MASP1: variants seen among roughly 807,000 people sequenced by gnomAD.
The protein encoded by MASP1 is mannan-binding lectin serine protease 1.
A neutral mutation model predicts 77.1 loss-of-function variants in MASP1; 59 were observed. That is an observed-to-expected ratio of 0.77 (90% CI 0.62 to 0.95). The LOEUF (loss-of-function observed/expected upper bound fraction) is 0.95. Among genes scored for constraint, MASP1 ranks in the 40% least tolerant of loss-of-function variants. The probability of loss-of-function intolerance (pLI) is 0.00; values close to 1 mark genes in which losing one functional copy is unlikely to be tolerated. For missense variants in MASP1, 885 were observed against 912.9 expected (o/e 0.97, Z 0.39); for synonymous variants, 362 against 354.5 (o/e 1.02, Z -0.24).
intron 2 of MASP1, among the ~76,000 whole-genome samples, chr3:187,269,064 CAAA>C (rs35550567): frequency 2.7e-4 from 31 of 115,390 alleles, no homozygotes; most frequent in Admixed American, 8.2e-4. Flanking sequence ...GACACTGTCT[CAAA>C]AAAAAAAAAA....
intron 13 of MASP1, among the ~76,000 whole-genome samples, chr3:187,223,898 C>T (rs1712219413): frequency 6.6e-6 from 1 of 152,146 alleles, no homozygotes; most frequent in African/African-American, 2.4e-5. Flanking sequence ...GTCACCTCAC[C>T]CTGCTGATCC....
At chr3:187,248,146 G>A (rs1365328840) in intron 8 of MASP1, among the ~76,000 whole-genome samples, 1 of 152,128 alleles carries the variant, frequency 6.6e-6, no homozygotes, top group Non-Finnish European at 1.5e-5. Flanking sequence ...TCTTAATCCA[G>A]CCTATTTTGG....
intron 7 of MASP1, among the ~76,000 whole-genome samples, chr3:187,251,049 C>T (rs1337912282): frequency 6.6e-6 from 1 of 152,170 alleles, no homozygotes. Context: ...ACCTCTGCCT[C>T]CTGGATTCAA....
chr3:187,226,209 T>A (rs554792012), intron 12 of MASP1: 2 of 608,130 alleles, frequency 3.3e-6, no homozygotes, highest in Admixed American at 4.9e-5. Context: ...AGCATAGACT[T>A]CAATGCCTTC....
At chr3:187,242,806 C>A (rs960145573) in intron 9 of MASP1, 1 of 159,420 alleles carries the variant, frequency 6.3e-6, no homozygotes, top group Non-Finnish European at 1.4e-5. Context: ...CTGCCCAGCC[C>A]CTGGGGCAGC....
chr3:187,234,884 A>T lies in MASP1; in HGVS notation c.*800T>A. 7.8e-7 allele frequency: 1 copy of T among 1,287,182 alleles called. No individual in the cohort carries two copies. The highest frequency in any genetic ancestry group is 1.0e-6 in the Non-Finnish European group (1 of 988,664). 79.7% of individuals were successfully genotyped at this position (1,287,182 alleles called of 1,614,324 possible). ...TGCTTGTCTGGAGCAGCAGGTGTGGACGCCCATGGTGTCAGCTGGTGTTCC... is the reference window on the plus strand; with the variant it reads ...TGCTTGTCTGGAGCAGCAGGTGTGGTCGCCCATGGTGTCAGCTGGTGTTCC... On this transcript the variant is annotated 3_prime_UTR_variant, in exon 11 of 11. Transcript: ENST00000296280.
chr3:187,259,203 G>A (rs4686864), intron 4 of MASP1, among the ~76,000 whole-genome samples: 39,690 of 152,004 alleles, frequency 0.26, 6,052 homozygotes, highest in Admixed American at 0.38. Flanking sequence ...ATGTTTCTAC[G>A]CCCTTGTTCA....
intron 2 of MASP1, among the ~76,000 whole-genome samples, chr3:187,267,340 G>T (rs1716123457): frequency 6.6e-6 from 1 of 152,206 alleles, no homozygotes; most frequent in African/African-American, 2.4e-5. Context: ...CCCTTGAGGA[G>T]CATTGCAGAC....
At chr3:187,255,171 AC>A (rs1227878232) in intron 5 of MASP1, among the ~76,000 whole-genome samples, 4 of 152,190 alleles carry the variant, frequency 2.6e-5, no homozygotes, top group African/African-American at 9.6e-5. Context: ...CCCATTCAAC[AC>A]AGTTTCCTCC....
chr3:187,227,637 T>C (rs1436628888), intron 11 of MASP1, among the ~76,000 whole-genome samples: 2 of 152,188 alleles, frequency 1.3e-5, no homozygotes, highest in Admixed American at 1.3e-4. Context: ...AGCTATGTGC[T>C]CCTGGGTCCT....
chr3:187,234,382 A>C lies in MASP1; in HGVS notation c.*1302T>G. On this transcript the variant is annotated 3_prime_UTR_variant, in exon 11 of 11. Coordinates refer to ENST00000296280, the MANE Select transcript of MASP1 (RefSeq NM_139125.4). ...TGTGAGGGCCAGAGAGGCTGCTAGC[A>C]GTCAGGGAAGCTCTGAGTGCTCCAG... 7.8e-7 allele frequency: 1 copy of C among 1,287,278 alleles called. No individual in the cohort carries two copies. Among genetic ancestry groups the C allele is most frequent in the South Asian group, 1.2e-5 (1 of 80,936 alleles). 79.7% of individuals were successfully genotyped at this position (1,287,278 alleles called of 1,614,324 possible).
rs1339304488 is a variant in MASP1, at chr3:187,225,486, CT to C, written c.1578del (p.Asp527MetfsTer38). Reference sequence around the variant, plus strand: ...ACGCCGAGATGCTGTTCATTTTCATCTGACCGGAGCCTCCAATGCTTGCCTG... The same window carrying C: ...ACGCCGAGATGCTGTTCATTTTCATCGACCGGAGCCTCCAATGCTTGCCTG... On this transcript the variant is annotated frameshift_variant, in exon 13 of 16. Transcript: ENST00000337774. LOFTEE classifies it high-confidence loss of function. 1 of 1,614,180 alleles carries C rather than the reference CT, an allele frequency of 6.2e-7. No homozygotes were observed.
intron 2 of MASP1, among the ~76,000 whole-genome samples, chr3:187,281,040 G>A (rs905094855): frequency 3.3e-5 from 5 of 152,178 alleles, no homozygotes; most frequent in Admixed American, 6.5e-5. Flanking sequence ...CAGGACCCAG[G>A]CTGCCTGACT....
intron 11 of MASP1, among the ~76,000 whole-genome samples, chr3:187,227,635 G>C (rs1039472988): frequency 6.6e-6 from 1 of 152,192 alleles, no homozygotes; most frequent in Non-Finnish European, 1.5e-5. Flanking sequence ...GCAGCTATGT[G>C]CTCCTGGGTC....
intron 1 of MASP1, 128 bp downstream of exon 1, chr3:187,291,500 T>G: frequency 3.1e-4 from 399 of 1,268,718 alleles, no homozygotes; most frequent in Non-Finnish European, 4.2e-4. Flanking sequence ...TAAGAATTGA[T>G]GAGAAAGCCC....
rs79258734 is a variant in MASP1, at chr3:187,221,580, G to T, written c.1810-446C>A. 6.1e-3 allele frequency among the ~76,000 whole-genome samples: 930 copies of T among 152,302 alleles called. 3 individuals are homozygous for T. Among genetic ancestry groups the T allele is most frequent in the African/African-American group, 0.022 (894 of 41,548 alleles). ...CTTTTTCCTCATCTGAAAAATGGAG[G>T]TTGCAGTATTTGATATACTAATCAT... is the stretch of plus-strand genomic sequence containing the variant. On this transcript the variant is annotated intron_variant, in intron 14 of 15. Transcript: ENST00000337774.
chr3:187,229,749 C>T (rs540384495), downstream of MASP1: 6 of 1,613,972 alleles, frequency 3.7e-6, no homozygotes, highest in African/African-American at 4.0e-5. Flanking sequence ...CCCCTTCCAC[C>T]TTCTCCCTAC....
In MASP1 at chr3:187,262,534, C is replaced by T; in HGVS notation, c.415+9G>A. On this transcript the variant is annotated intron_variant, in intron 3 of 10. Transcript: ENST00000296280. The stretch of plus-strand genomic sequence containing the variant: ...AGAGACCTGAGGATGAGTCACTTCT[C>T]CAACTTACCCACAGCCATGTAGTGG... 6.2e-7 allele frequency: 1 copy of T among 1,614,004 alleles called. No individual in the cohort carries two copies. The highest frequency in any genetic ancestry group is 1.1e-5 in the South Asian group (1 of 91,072).
At chr3:187,280,358 G>C (rs1339166047) in intron 2 of MASP1, among the ~76,000 whole-genome samples, 2 of 152,162 alleles carry the variant, frequency 1.3e-5, no homozygotes, top group Non-Finnish European at 2.9e-5. Context: ...GACATAAAGA[G>C]AAAGAAAGAA....
Sources: allele counts gnomAD v4.1 joint callset (sites outside exome capture counted in the v4.1 genomes callset), GRCh38; gene constraint gnomAD v4.1.1; transcripts MANE v1.5; gene names NCBI Gene and HGNC (gene_info 2026-07-23, HGNC 2026-07-21).